Variants in SH2B1 observed in about 807,000 individuals in gnomAD.
SH2B1 encodes the protein SH2B adaptor protein 1.
SH2B1 carries 15 observed loss-of-function variants against 62.6 expected under a neutral mutation model. The ratio of observed to expected loss-of-function variants is 0.24; its 90% confidence interval spans 0.16 to 0.37. SH2B1 has a LOEUF of 0.37. Ranked by LOEUF, SH2B1 falls within the 10% of genes least tolerant of loss-of-function variation. The probability of loss-of-function intolerance (pLI) is 1.00; values close to 1 mark genes in which losing one functional copy is unlikely to be tolerated. For missense variants in SH2B1, 925 were observed against 1,015.6 expected, an observed-to-expected ratio of 0.91 and a Z score of 1.21; for synonymous variants, 443 against 438.0, an observed-to-expected ratio of 1.01 and a Z score of -0.14.
At chr16:28,851,438 C>T (rs1319150373) in intron 1 of SH2B1, among the ~76,000 whole-genome samples, 1 of 150,534 alleles carries the variant, frequency 6.6e-6, no homozygotes, top group Non-Finnish European at 1.5e-5. Context: ...GGCTTCTGTT[C>T]TCATTCCCAA....
intron 1 of SH2B1, among the ~76,000 whole-genome samples, chr16:28,853,076 ATTTATATATATT>A (rs1962234418): frequency 8.5e-6 from 1 of 117,440 alleles, no homozygotes; most frequent in African/African-American, 3.5e-5. Context: ...GTACATATAT[ATTTATATATATT>A]TATACATATA....
In SH2B1 at chr16:28,867,324, G is replaced by A. The variant is rs1482132969; in HGVS notation, c.940-7G>A. Reference sequence around the variant, plus strand: ...ACACCCAGATCTGTTTCTTTCTCCTGACTTAGGCCTCTCGGCCCCGACTCA... The same window carrying A: ...ACACCCAGATCTGTTTCTTTCTCCTAACTTAGGCCTCTCGGCCCCGACTCA... On this transcript the variant is annotated splice_polypyrimidine_tract_variant and splice_region_variant and intron_variant, in intron 1 of 7. Transcript: ENST00000684370. 2 of 1,609,270 alleles carry A rather than the reference G, an allele frequency of 1.2e-6. No individual in the cohort carries two copies. Among genetic ancestry groups the A allele is most frequent in the East Asian group, 4.5e-5 (2 of 44,880 alleles).
chr16:28,873,141 A>C lies in SH2B1; in HGVS notation c.1898-306A>C. The C allele has an allele frequency of 6.9e-7, 1 of 1,444,818 alleles. No homozygotes were observed. Among genetic ancestry groups the C allele is most frequent in the South Asian group, 1.3e-5 (1 of 79,930 alleles). 89.5% of individuals were successfully genotyped at this position (1,444,818 alleles called of 1,614,324 possible). On this transcript the variant is annotated intron_variant, in intron 7 of 7. Coordinates refer to ENST00000684370, the MANE Select transcript of SH2B1 (RefSeq NM_001387430.1). This position sits in a 1 kb window ranked among gnomAD's most constrained non-coding sequence, Gnocchi z 4.2. ...TCCCTTTCCCCTGCCCCACCGTCCC[A>C]TCTGTCCCCACGTTGCCCCTCCCCC... is the stretch of plus-strand genomic sequence containing the variant.
In SH2B1 at chr16:28,873,353, C is replaced by T. The variant is rs1342027312; in HGVS notation, c.1898-94C>T. 1.3e-6 allele frequency: 2 copies of T among 1,586,328 alleles called. No individual in the cohort carries two copies. Among genetic ancestry groups the T allele is most frequent in the Admixed American group, 1.8e-5 (1 of 56,150 alleles). The stretch of plus-strand genomic sequence containing the variant: ...GCTCAGGAGATGGGATGTGGGGAGA[C>T]AGCCACGCTCCTGGGGGGCTGAGTG... On this transcript the variant is annotated intron_variant, in intron 7 of 7. Transcript: ENST00000684370. The surrounding 1 kb of genome is among the most constrained non-coding windows in gnomAD (Gnocchi z 4.2).
chr16:28,852,980 T>A (rs1344706815), intron 1 of SH2B1, among the ~76,000 whole-genome samples: 2 of 66,302 alleles, frequency 3.0e-5, no homozygotes, highest in South Asian at 4.6e-4. Flanking sequence ...TGTACATATA[T>A]ATTTTATATG....
At chr16:28,851,093 G>A (rs1343921223) in intron 1 of SH2B1, among the ~76,000 whole-genome samples, 1 of 147,952 alleles carries the variant, frequency 6.8e-6, no homozygotes, top group Non-Finnish European at 1.5e-5. Context: ...AGACTCGCTC[G>A]AACCTGGGAG....
rs1016171421 is a variant in SH2B1, at chr16:28,865,966, G to A, written c.-129G>A. ...GGGGGTGGGATGCAGCCTCCGGTGC[G>A]CCCTCAGCAGTGACCCTCGTGTGTG... On this transcript the variant is annotated 5_prime_UTR_variant, in exon 1 of 8. Coordinates refer to ENST00000684370, the MANE Select transcript of SH2B1 (RefSeq NM_001387430.1). 2.2e-5 allele frequency: 33 copies of A among 1,469,540 alleles called. No homozygotes were observed. The highest frequency in any genetic ancestry group is 5.1e-4 in the Middle Eastern group (2 of 3,920). The allele number at this position is 1,469,540 out of a possible 1,614,324, so 91.0% of individuals were successfully genotyped here. A position where few individuals can be genotyped will look rare whatever the true frequency, so the allele number is the denominator to read the frequency against.
chr16:28,857,586 C>CCAATGA (rs1428618380), intron 1 of SH2B1, among the ~76,000 whole-genome samples: 1 of 152,092 alleles, frequency 6.6e-6, no homozygotes, highest in Non-Finnish European at 1.5e-5. Flanking sequence ...GAATACAAAG[C>CCAATGA]AGGGCCAGCC....
Position 28,871,811 on chromosome 16 carries a change from G to C in SH2B1, c.1341G>C (p.Ser447=), listed in dbSNP as rs529774248. ...GAYGGLSDRP[S]ASISPSSASI... Reference sequence around the variant, plus strand: ...ATGGGGGCCTCTCAGACCGCCCCTCGGCATCCATCTCCCCCAGCTCTGCCT... The same window carrying C: ...ATGGGGGCCTCTCAGACCGCCCCTCCGCATCCATCTCCCCCAGCTCTGCCT... Residue 447 remains serine (S), a synonymous_variant, in exon 5 of 8, where the codon TCG becomes TCC. Coordinates refer to ENST00000684370, the MANE Select transcript of SH2B1 (RefSeq NM_001387430.1). The C allele has an allele frequency of 6.2e-7, 1 of 1,613,794 alleles. No homozygotes were observed. The highest frequency in any genetic ancestry group is 1.7e-5 in the Admixed American group (1 of 59,984).
chr16:28,849,457 A>G (rs1222542141), intron 1 of SH2B1, among the ~76,000 whole-genome samples: 2 of 152,220 alleles, frequency 1.3e-5, no homozygotes, highest in African/African-American at 4.8e-5. Flanking sequence ...AATTTATCCT[A>G]AGACACTATT....
Position 28,865,971 on chromosome 16 carries a change from C to G in SH2B1, c.-124C>G. The G allele has an allele frequency of 6.7e-7, 1 of 1,481,670 alleles. No individual in the cohort carries two copies. The highest frequency in any genetic ancestry group is 8.9e-7 in the Non-Finnish European group (1 of 1,124,922). The allele number at this position is 1,481,670 out of a possible 1,614,324, so 91.8% of individuals were successfully genotyped here. A position where few individuals can be genotyped will look rare whatever the true frequency, so the allele number is the denominator to read the frequency against. On this transcript the variant is annotated 5_prime_UTR_variant, in exon 1 of 8. Coordinates refer to ENST00000684370, the MANE Select transcript of SH2B1 (RefSeq NM_001387430.1). ...TGGGATGCAGCCTCCGGTGCGCCCT[C>G]AGCAGTGACCCTCGTGTGTGCCTCT...
At chr16:28,859,601 G>A (rs1962391616), upstream of SH2B1, among the ~76,000 whole-genome samples, 1 of 151,934 alleles carries the variant, frequency 6.6e-6, no homozygotes, top group African/African-American at 2.4e-5. Context: ...TCAGCTACTG[G>A]GGAGGCTGAG....
rs1209268308 is a variant in SH2B1 at position 28,863,907 on chromosome 16, C to T, written c.-2188C>T. On this transcript the variant is annotated 5_prime_UTR_variant, in exon 1 of 8. Coordinates refer to ENST00000684370, the MANE Select transcript of SH2B1 (RefSeq NM_001387430.1). ...CAGGGAGCGGGAGCCGCCGCCGCCGCCGCCGCCGCCGGAGCTAACCTCGGG... is the reference window on the plus strand; with the variant it reads ...CAGGGAGCGGGAGCCGCCGCCGCCGTCGCCGCCGCCGGAGCTAACCTCGGG... The T allele has an allele frequency of 3.2e-5, 47 of 1,458,734 alleles. No homozygotes were observed. The highest frequency in any genetic ancestry group is 4.1e-5 in the Non-Finnish European group (45 of 1,098,776). The allele number at this position is 1,458,734 out of a possible 1,614,324, so 90.4% of individuals were successfully genotyped here.
rs766920342 is a variant in SH2B1 at position 28,871,989 on chromosome 16, G to A, written c.1513+6G>A. 3.2e-6 allele frequency: 5 copies of A among 1,575,062 alleles called. No individual in the cohort carries two copies. In the South Asian group the frequency reaches 3.3e-5, roughly 10 times the overall value. Reference sequence around the variant, plus strand: ...CACTCCGGAAACAGCCACAGGTACCGGAGGTGTGAGTGTGCATGTCTCCAG... The same window carrying A: ...CACTCCGGAAACAGCCACAGGTACCAGAGGTGTGAGTGTGCATGTCTCCAG... On this transcript the variant is annotated splice_donor_region_variant and intron_variant, in intron 5 of 7. Transcript: ENST00000684370.
At chr16:28,854,524 G>A (rs942644755) in intron 1 of SH2B1, among the ~76,000 whole-genome samples, 3 of 152,112 alleles carry the variant, frequency 2.0e-5, no homozygotes, top group African/African-American at 7.2e-5. Flanking sequence ...AGGAGGCCGA[G>A]GAGGGTGGAT....
Position 28,869,196 on chromosome 16 carries a change from C to T in SH2B1, c.1134-12C>T. On this transcript the variant is annotated splice_polypyrimidine_tract_variant and intron_variant, in intron 3 of 7. Coordinates refer to ENST00000684370, the MANE Select transcript of SH2B1 (RefSeq NM_001387430.1). Reference sequence around the variant, plus strand: ...GACTTTCCTCCCAGCACCATCTTCCCTGTCTCTGCAGACCCTGCCCTGCTA... The same window carrying T: ...GACTTTCCTCCCAGCACCATCTTCCTTGTCTCTGCAGACCCTGCCCTGCTA... 1 of 1,614,022 alleles carries T rather than the reference C, an allele frequency of 6.2e-7. No individual in the cohort carries two copies. Among genetic ancestry groups the T allele is most frequent in the Non-Finnish European group, 8.5e-7 (1 of 1,179,896 alleles).
At position 28,852,394 on chromosome 16, in the gene SH2B1, A is replaced by G. The variant is rs200277740; in HGVS notation, c.-301+5567A>G. Among the ~76,000 whole-genome samples the G allele has an allele frequency of 8.5e-5, 3 of 35,396 alleles. 1 individual carries two copies. Among genetic ancestry groups the G allele is most frequent in the Non-Finnish European group, 1.3e-4 (3 of 22,664 alleles). The allele number at this position is 35,396 out of a possible 152,430, so 23.2% of individuals were successfully genotyped here. On this transcript the variant is annotated intron_variant, in intron 1 of 10. Coordinates refer to the SH2B1 transcript ENST00000322610. ...TATATTTACATATATTTATATATAT[A>G]CATATATATTTACATATATATTTAT...
rs1339846167 is a variant in SH2B1, at chr16:28,865,255, T to C, written c.-840T>C. On this transcript the variant is annotated 5_prime_UTR_variant, in exon 1 of 8. Transcript: ENST00000684370. ...GGCCTCTGGCCCCAGACTGAAGGGATACCAAAGAAGTGGGCTGTAGCTATT... is the reference window on the plus strand; with the variant it reads ...GGCCTCTGGCCCCAGACTGAAGGGACACCAAAGAAGTGGGCTGTAGCTATT... 1.0e-6 allele frequency: 1 copy of C among 985,538 alleles called. No individual in the cohort carries two copies. Among genetic ancestry groups the C allele is most frequent in the African/African-American group, 1.7e-5 (1 of 57,260 alleles). 61.0% of individuals were successfully genotyped at this position (985,538 alleles called of 1,614,324 possible). A position where few individuals can be genotyped will look rare whatever the true frequency, so the allele number is the denominator to read the frequency against.
In SH2B1 at chr16:28,852,941, CAT is replaced by C. The variant is rs377021027; in HGVS notation, c.-301+6121_-301+6122del. Among the ~76,000 whole-genome samples the C allele has an allele frequency of 8.3e-5, 4 of 48,130 alleles. 1 individual carries two copies. The highest frequency in any genetic ancestry group is 1.8e-4 in the Non-Finnish European group (4 of 21,818). 31.6% of individuals were successfully genotyped at this position (48,130 alleles called of 152,430 possible). On this transcript the variant is annotated intron_variant, in intron 1 of 10. Coordinates refer to the SH2B1 transcript ENST00000322610. ...ATATATATATTTTTATATATATGTA[CAT>C]ATATATTTTATATATGTACATATAT...
Sources: gnomAD v4.1 joint callset for allele counts (sites outside exome capture counted in the v4.1 genomes callset) on GRCh38, gnomAD v4.1.1 for gene constraint, Gnocchi (gnomAD v3.1) non-coding constraint, MANE v1.5 for transcripts, NCBI Gene and HGNC (gene_info 2026-07-23, HGNC 2026-07-21) for gene names.